MAP7D2: variants seen among roughly 807,000 people sequenced by gnomAD.
MAP7D2 encodes MAP7 domain containing 2, also known as MAP7 domain-containing protein 2.
In MAP7D2, 33 loss-of-function variants were observed where a neutral mutation model predicts 63.5. The observed-to-expected ratio is 0.52, with a 90% CI of 0.39 to 0.70. The LOEUF (loss-of-function observed/expected upper bound fraction) is 0.70, where lower values mean the gene tolerates loss of function less well. Among genes scored for constraint, MAP7D2 ranks in the 30% least tolerant of loss-of-function variants. The pLI, the probability that MAP7D2 is intolerant of heterozygous loss-of-function variation, is 0.00. For synonymous variants in MAP7D2, 224 were observed against 223.7 expected (o/e 1.00, Z -0.01); for missense variants, 626 against 604.0 (o/e 1.04, Z -0.38).
chrX:20,052,920 G>C lies in MAP7D2; in HGVS notation c.553C>G (p.Leu185Val). ...GATATTGCCACGGTGGATGAAGACA[G>C]GCGTTTATTCATGGGAGGCTCCGTT... Reference protein sequence around the residue: ...KPTEPPMNKRLSSSTVAISYS... With the variant: ...KPTEPPMNKRVSSSTVAISYS... Residue 185 changes from leucine to valine, a missense_variant, in exon 5 of 17, where the codon CTG becomes GTG. By Grantham distance (32) the Leu-to-Val change is conservative (BLOSUM62 1). Transcript: ENST00000379643. 2 of 1,211,372 alleles carry C rather than the reference G, an allele frequency of 1.7e-6. No individual in the cohort carries two copies.
chrX:20,042,338 A>G (rs747052108), intron 8 of MAP7D2, among the ~76,000 whole-genome samples, 164 bp downstream of exon 8: 11 of 111,993 alleles, frequency 9.8e-5, no homozygotes, highest in Non-Finnish European at 1.5e-4. Flanking sequence ...GAAGATACAC[A>G]GAGAGTCAAG....
rs778592355 is a variant in MAP7D2, at chrX:20,011,063, T to C, written c.2073-11A>G. 8 of 1,202,103 alleles carry C rather than the reference T, an allele frequency of 6.7e-6. No individual in the cohort carries two copies. Among genetic ancestry groups the C allele is most frequent in the Admixed American group, 2.2e-5 (1 of 45,460 alleles). On this transcript the variant is annotated splice_polypyrimidine_tract_variant and intron_variant, in intron 15 of 16. Coordinates refer to ENST00000379643, the MANE Select transcript of MAP7D2 (RefSeq NM_001168465.2). ...TCTTTTGAAACAGGACTAGAAGAGA[T>C]GAACGAGAGGGAGAGAGGCAGAAAG...
Position 20,057,030 on chromosome X carries a change from C to A in MAP7D2, c.373-239G>T, listed in dbSNP as rs764291908. Among the ~76,000 whole-genome samples, 11 of 112,617 alleles carry A rather than the reference C, an allele frequency of 9.8e-5. No individual in the cohort carries two copies. The East Asian group carries it at 2.5e-3, about 26-fold the overall frequency. On this transcript the variant is annotated intron_variant, in intron 3 of 16. Transcript: ENST00000379643. ...AACACCGTGTGTCCTGTCCCCTCCC[C>A]TCCCTGGGGAGAAGCTGCCCTAGGA...
At chrX:20,023,412 G>A (rs2073725562) in intron 10 of MAP7D2, among the ~76,000 whole-genome samples, 1 of 112,581 alleles carries the variant, frequency 8.9e-6, no homozygotes. Flanking sequence ...ACATTTAAGG[G>A]GATGAGGGGC....
intron 7 of MAP7D2, among the ~76,000 whole-genome samples, chrX:20,043,909 G>A (rs1004417400): frequency 1.8e-4 from 20 of 111,623 alleles, no homozygotes; most frequent in African/African-American, 6.5e-4. Flanking sequence ...GAGGCAGGAG[G>A]ATTACTTGAG....
At chrX:20,039,739 A>G (rs910379054) in intron 8 of MAP7D2, among the ~76,000 whole-genome samples, 1 of 111,146 alleles carries the variant, frequency 9.0e-6, no homozygotes, top group African/African-American at 3.3e-5. Flanking sequence ...GGTGGCTCAC[A>G]CCTGTAATCC....
intron 1 of MAP7D2, among the ~76,000 whole-genome samples, chrX:20,085,153 G>A (rs770012578): frequency 9.2e-4 from 103 of 111,805 alleles, no homozygotes; most frequent in African/African-American, 3.0e-3. Context: ...CCCTCCTAAG[G>A]ACATTAGTAT....
intron 1 of MAP7D2, among the ~76,000 whole-genome samples, chrX:20,098,494 C>T (rs1204161777): frequency 8.9e-6 from 1 of 111,745 alleles, no homozygotes; most frequent in Non-Finnish European, 1.9e-5. Context: ...TTGGTCCCCA[C>T]ATTTATGGAG....
At position 20,016,190 on chromosome X, in the gene MAP7D2, C is replaced by A. The variant is rs761356087; in HGVS notation, c.1548G>T (p.Lys516Asn). Residue 516 changes from lysine (K) to asparagine (N), a missense_variant, in exon 11 of 17, where the codon AAG becomes AAT. Physicochemically the swap from Lys to Asn is moderately conservative, Grantham distance 94 (BLOSUM62 0). Coordinates refer to ENST00000379643, the MANE Select transcript of MAP7D2 (RefSeq NM_001168465.2). ...CCTTCCGCTTGGCCTCCTCGCCTGC[C>A]TTTCTTTTCTCTTCCCCTTCCTGTT... ...KKKQEGEEKR[K>N]AGEEAKRKAE... The A allele has an allele frequency of 3.3e-6, 4 of 1,194,797 alleles. No homozygotes were observed. Among genetic ancestry groups the A allele is most frequent in the Admixed American group, 4.6e-5 (2 of 43,014 alleles).
intron 1 of MAP7D2, among the ~76,000 whole-genome samples, chrX:20,087,887 T>C (rs933690244): frequency 1.2e-3 from 61 of 49,480 alleles, no homozygotes; most frequent in African/African-American, 4.0e-3. Flanking sequence ...TTCTTTTTTT[T>C]TTTTTTTTTT....
chrX:20,109,606 C>T (rs757792339), intron 1 of MAP7D2, among the ~76,000 whole-genome samples: 4 of 110,564 alleles, frequency 3.6e-5, no homozygotes, highest in Non-Finnish European at 7.6e-5. Flanking sequence ...TTACTGTGTG[C>T]CCTTGGGCAA....
Position 20,050,849 on chromosome X carries a change from CA to C in MAP7D2, c.692del (p.Met231SerfsTer17). On this transcript the variant is annotated frameshift_variant, in exon 6 of 17. Transcript: ENST00000379643. LOFTEE classifies it high-confidence loss of function. ...CTGAATCATTGGCCTGCCCAGAGAGCATGACTGAAGCTCTGCTTCTGGCTAA... is the reference window on the plus strand; with the variant it reads ...CTGAATCATTGGCCTGCCCAGAGAGCTGACTGAAGCTCTGCTTCTGGCTAA... ...SSLARSRASV[M>X]LSGQANDSVF... 8.4e-7 allele frequency: 1 copy of C among 1,194,800 alleles called. No individual in the cohort carries two copies. The highest frequency in any genetic ancestry group is 1.1e-6 in the Non-Finnish European group (1 of 887,370).
chrX:20,024,903 A>G (rs765222087), intron 10 of MAP7D2, 48 bp downstream of exon 10: 18 of 1,180,911 alleles, frequency 1.5e-5, no homozygotes, highest in Non-Finnish European at 2.1e-5. Context: ...GCTCTTTCCA[A>G]CACAACAGTT....
intron 3 of MAP7D2, among the ~76,000 whole-genome samples, chrX:20,062,631 T>C (rs1027309372): frequency 8.9e-6 from 1 of 111,878 alleles, no homozygotes; most frequent in African/African-American, 3.2e-5. Flanking sequence ...AGATGAATCA[T>C]TATACCTTAT....
chrX:20,025,088 AC>A lies in MAP7D2; in HGVS notation c.1280-6del. The A allele has an allele frequency of 8.3e-7, 1 of 1,199,131 alleles. No individual in the cohort carries two copies. Among genetic ancestry groups the A allele is most frequent in the Non-Finnish European group, 1.1e-6 (1 of 891,395 alleles). ...CTGCTGTGGGCTTCCCCAAGGCTGC[AC>A]CAGAGGAGAGGCATCAAGAGGAAAA... On this transcript the variant is annotated splice_region_variant and splice_polypyrimidine_tract_variant and intron_variant, in intron 9 of 16. Coordinates refer to ENST00000379643, the MANE Select transcript of MAP7D2 (RefSeq NM_001168465.2).
At chrX:20,021,602 T>C (rs971395559) in intron 10 of MAP7D2, 9 of 111,579 alleles carry the variant, frequency 8.1e-5, no homozygotes, top group African/African-American at 2.0e-4. Context: ...CTCTAATTTT[T>C]ACCTACACCC....
intron 1 of MAP7D2, among the ~76,000 whole-genome samples, chrX:20,070,070 T>G (rs2065462739): frequency 9.0e-6 from 1 of 111,429 alleles, no homozygotes; most frequent in Non-Finnish European, 1.9e-5. Context: ...TGCCTCAGCC[T>G]CCTGAGGAGC....
chrX:20,042,642 C>T lies in MAP7D2; in HGVS notation c.880-13G>A. The T allele has an allele frequency of 8.3e-7, 1 of 1,210,541 alleles. No individual in the cohort carries two copies. Reference sequence around the variant, plus strand: ...TCACCTTCTCCACCTGTAGGGGACACAGGATAGCCACAGTCCATGACTGGC... The same window carrying T: ...TCACCTTCTCCACCTGTAGGGGACATAGGATAGCCACAGTCCATGACTGGC... On this transcript the variant is annotated splice_polypyrimidine_tract_variant and intron_variant, in intron 7 of 16. Transcript: ENST00000379643.
intron 3 of MAP7D2, among the ~76,000 whole-genome samples, chrX:20,061,002 C>A (rs2065208500): frequency 9.4e-6 from 1 of 106,658 alleles, no homozygotes. Flanking sequence ...CCCAGAGAGG[C>A]AGGATTTGGT....
Sources: gnomAD v4.1 joint callset for allele counts (sites outside exome capture counted in the v4.1 genomes callset) on GRCh38, gnomAD v4.1.1 for gene constraint, MANE v1.5 for transcripts, NCBI Gene and HGNC (gene_info 2026-07-23, HGNC 2026-07-21) for gene names.